SETX: variants seen among roughly 807,000 people sequenced by gnomAD.
SETX encodes helicase senataxin.
Under a neutral mutation model 227.2 loss-of-function variants are expected in SETX, and 90 were observed. That is an observed-to-expected ratio of 0.40 (90% CI 0.33 to 0.47). SETX has a LOEUF of 0.47. Among genes scored for constraint, SETX ranks in the 20% least tolerant of loss-of-function variants. The pLI is 0.91. For missense variants in SETX, 3,052 were observed against 3,181.5 expected (o/e 0.96, Z 0.98); for synonymous variants, 1,210 against 1,113.2 (o/e 1.09, Z -1.73).
chr9:132,333,404 A>ATATAT (rs1455820977), intron 7 of SETX, among the ~76,000 whole-genome samples: 1,273 of 61,326 alleles, frequency 0.021, 78 homozygotes, highest in East Asian at 0.061. Context: ...AAAAGAAAAA[A>ATATAT]AAAAATATAT....
In SETX at chr9:132,331,122, T is replaced by A; in HGVS notation, c.1028A>T (p.Glu343Val). 1 of 1,613,516 alleles carries A rather than the reference T, an allele frequency of 6.2e-7. No individual in the cohort carries two copies. Among genetic ancestry groups the A allele is most frequent in the Non-Finnish European group, 8.5e-7 (1 of 1,179,504 alleles). ...NSSVRTKLEP[E>V]SYLDDMVTCS... ...AGTCACCATATCATCCAAATAGGAC[T>A]CCGGTTCTAACTTGGTCCTTAAATA... Residue 343 changes from glutamate (E) to valine (V), a missense_variant, in exon 9 of 26, where the codon GAG (glutamate) becomes GTG (valine). By Grantham distance (121) the Glu-to-Val change is moderately radical. Transcript: ENST00000224140.
At chr9:132,330,641 T>A (rs1536662) in intron 9 of SETX, 142 bp from the exon 10 acceptor site, 10 of 696,188 alleles carry the variant, frequency 1.4e-5, no homozygotes, top group Admixed American at 1.2e-4. Flanking sequence ...AATGGTATAA[T>A]TGTGGCATAT....
chr9:132,331,187 A>C lies in SETX; in HGVS notation c.1011-48T>G, dbSNP rs757091364. On this transcript the variant is annotated intron_variant, in intron 8 of 25. Coordinates refer to ENST00000224140, the MANE Select transcript of SETX (RefSeq NM_015046.7). ...AAATTACTGAAACGAAGGGGGAAAAAAAGGAAGAAACACCTCTTGTTAAGT... is the reference window on the plus strand; with the variant it reads ...AAATTACTGAAACGAAGGGGGAAAACAAGGAAGAAACACCTCTTGTTAAGT... 25 of 1,608,186 alleles carry C rather than the reference A, an allele frequency of 1.6e-5. No individual in the cohort carries two copies. The South Asian group carries it at 2.6e-4, about 17-fold the overall frequency.
intron 15 of SETX, among the ~76,000 whole-genome samples, chr9:132,291,268 G>A (rs1444700111): frequency 3.6e-5 from 5 of 140,514 alleles, no homozygotes; most frequent in South Asian, 2.4e-4. Flanking sequence ...CCGGGTTCAC[G>A]CCATTCTCCT....
chr9:132,323,629 G>GGAT (rs947962905), intron 10 of SETX, among the ~76,000 whole-genome samples: 2 of 152,140 alleles, frequency 1.3e-5, no homozygotes, highest in Non-Finnish European at 2.9e-5. Flanking sequence ...AGGCCAGGCG[G>GGAT]GATGGCTCAC....
At position 132,283,175 on chromosome 9, in the gene SETX, C is replaced by T. The variant is rs1276455483; in HGVS notation, c.6546+89G>A. 8 of 1,475,206 alleles carry T rather than the reference C, an allele frequency of 5.4e-6. 1 individual carries two copies. In the Admixed American group the frequency reaches 9.0e-5, roughly 17 times the overall value. The allele number at this position is 1,475,206 out of a possible 1,614,324, so 91.4% of individuals were successfully genotyped here. A position where few individuals can be genotyped will look rare whatever the true frequency, so the allele number is the denominator to read the frequency against. On this transcript the variant is annotated intron_variant, in intron 19 of 25. Transcript: ENST00000224140. ...AAATCAGATGCAAAAAAAAAAAACA[C>T]ATTTCCTCAACATTTCAGCAGCCAC...
intron 23 of SETX, among the ~76,000 whole-genome samples, chr9:132,272,215 G>A (rs1328493049): frequency 1.3e-5 from 2 of 152,098 alleles, no homozygotes; most frequent in Admixed American, 1.3e-4. Context: ...TGTCCAGGCT[G>A]GAGTGCACCA....
rs760085180 is a variant in SETX, at chr9:132,329,206, G to C, written c.2392C>G (p.Gln798Glu). 1.2e-6 allele frequency: 2 copies of C among 1,613,664 alleles called. No individual in the cohort carries two copies. Among genetic ancestry groups the C allele is most frequent in the South Asian group, 2.2e-5 (2 of 91,064 alleles). Residue 798 changes from glutamine (Q) to glutamate (E), a missense_variant, in exon 10 of 26, where the codon CAA becomes GAA. This residue lies in a region of SETX where 1,483 missense variants were observed against 1,312.0 expected (regional missense o/e 1.13). Transcript: ENST00000224140. ...TCGACCAAAGTACTCTTCCTGTGTTGCTTCTTTATTACATGTGATAACTTT... is the reference window on the plus strand; with the variant it reads ...TCGACCAAAGTACTCTTCCTGTGTTCCTTCTTTATTACATGTGATAACTTT... ...CAKLSHVIKK[Q>E]HRKSTLVDNT...
rs1451963911 is a variant in SETX, at chr9:132,264,682, G to C, written c.7591C>G (p.Pro2531Ala). The C allele has an allele frequency of 6.2e-7, 1 of 1,614,102 alleles. No individual in the cohort carries two copies. The highest frequency in any genetic ancestry group is 1.3e-5 in the African/African-American group (1 of 74,934). Reference protein sequence around the residue: ...TVTSKDPERPPVHDQLQDPRL... With the variant: ...TVTSKDPERPAVHDQLQDPRL... ...GGGTCCTGAAGTTGGTCATGAACAGGAGGTCTTTCAGGGTCCTTTGAAGTA... is the reference window on the plus strand; with the variant it reads ...GGGTCCTGAAGTTGGTCATGAACAGCAGGTCTTTCAGGGTCCTTTGAAGTA... Residue 2531 changes from proline (P) to alanine (A), a missense_variant, in exon 26 of 26, where the codon CCT becomes GCT. Physicochemically the swap from Pro to Ala is conservative, Grantham distance 27. This residue lies in a region of SETX where 294 missense variants were observed against 278.8 expected (regional missense o/e 1.05). Transcript: ENST00000224140.
rs546736533 is a variant in SETX at position 132,265,170 on chromosome 9, C to G, written c.7288-185G>C. On this transcript the variant is annotated intron_variant, in intron 25 of 25. Coordinates refer to ENST00000224140, the MANE Select transcript of SETX (RefSeq NM_015046.7). ...AATTCAAATAAAAAATGATAAAGTCCCATTCCTAAAAATAAGACCTGGTCA... is the reference window on the plus strand; with the variant it reads ...AATTCAAATAAAAAATGATAAAGTCGCATTCCTAAAAATAAGACCTGGTCA... Among the ~76,000 whole-genome samples the G allele has an allele frequency of 5.5e-5, 8 of 145,104 alleles. No homozygotes were observed. The South Asian group carries it at 1.8e-3, about 33-fold the overall frequency.
Position 132,300,690 on chromosome 9 carries a change from T to A in SETX, c.5488A>T (p.Ile1830Leu). 1 of 1,613,732 alleles carries A rather than the reference T, an allele frequency of 6.2e-7. No individual in the cohort carries two copies. Among genetic ancestry groups the A allele is most frequent in the Non-Finnish European group, 8.5e-7 (1 of 1,179,900 alleles). ...GAATGATATTCGTGGAGATCTTGTA[T>A]GTCATTTCTCTCTGTATCTTTCTTC... Reference protein sequence around the residue: ...EEKKDTERNDIQDLHEYHSGY... With the variant: ...EEKKDTERNDLQDLHEYHSGY... Residue 1830 changes from isoleucine (I) to leucine (L), a missense_variant, in exon 12 of 26, where the codon ATA (isoleucine) becomes TTA (leucine). Ile to Leu is a conservative substitution (Grantham distance 5). Around this residue, in one of 10 missense-constraint regions of SETX, gnomAD observed 239 missense variants for 272.1 expected, o/e 0.88. Coordinates refer to ENST00000224140, the MANE Select transcript of SETX (RefSeq NM_015046.7).
Position 132,275,261 on chromosome 9 carries a change from T to C in SETX, c.7095A>G (p.Arg2365=), listed in dbSNP as rs1248714294. 1.2e-6 allele frequency: 2 copies of C among 1,613,904 alleles called. No individual in the cohort carries two copies. Among genetic ancestry groups the C allele is most frequent in the Non-Finnish European group, 1.7e-6 (2 of 1,179,926 alleles). ...IQKDLDKEFD[R]KGPAEVDTVD... ...TATTTATAAAAATGCCTCACCCTTT[T>C]CTATCGAACTCTTTGTCCAAATCCT... Residue 2365 remains arginine (R), a synonymous_variant, in exon 23 of 26, where the codon AGA becomes AGG. Transcript: ENST00000224140.
At chr9:132,267,359 C>G (rs1842696649) in intron 25 of SETX, among the ~76,000 whole-genome samples, 2 of 152,204 alleles carry the variant, frequency 1.3e-5, no homozygotes, top group Admixed American at 6.5e-5. Context: ...ATATGTGAAG[C>G]AGATGGCCTT....
chr9:132,351,631 G>T (rs1848608716), intron 2 of SETX, among the ~76,000 whole-genome samples: 1 of 152,184 alleles, frequency 6.6e-6, no homozygotes, highest in South Asian at 2.1e-4. Context: ...TCTTCAAAAG[G>T]CTGTGTGTGT....
intron 7 of SETX, among the ~76,000 whole-genome samples, chr9:132,333,416 T>TATAC (rs779955041): frequency 4.5e-5 from 4 of 88,076 alleles, no homozygotes; most frequent in East Asian, 7.0e-4. Context: ...AAAATATATA[T>TATAC]ACACACACAC....
At position 132,326,519 on chromosome 9, in the gene SETX, T is replaced by G; in HGVS notation, c.5079A>C (p.Ser1693=). 1 of 1,614,212 alleles carries G rather than the reference T, an allele frequency of 6.2e-7. No individual in the cohort carries two copies. Among genetic ancestry groups the G allele is most frequent in the Non-Finnish European group, 8.5e-7 (1 of 1,180,036 alleles). Residue 1693 remains serine (S), a synonymous_variant, in exon 10 of 26, where the codon TCA becomes TCC. Coordinates refer to ENST00000224140, the MANE Select transcript of SETX (RefSeq NM_015046.7). The part of the protein sequence containing the change: ...PSSSPVNILL[S]SQSVSDTFVK... ...CGAAGGTGTCAGAGACAGACTGTGA[T>G]GACAAAAGAATGTTTACTGGAGAGG...
At chr9:132,338,087 AC>A (rs1847743632) in intron 5 of SETX, among the ~76,000 whole-genome samples, 1 of 114,596 alleles carries the variant, frequency 8.7e-6, no homozygotes, top group Admixed American at 1.2e-4. Context: ...AGTGAGGAAC[AC>A]TCTTTTTTTT....
Position 132,311,803 on chromosome 9 carries a change from T to C in SETX, c.5328A>G (p.Gln1776=), listed in dbSNP as rs1589702061. The part of the protein sequence containing the change: ...SPNRENFYQL[Q]VRKFPADYIK... ...TATAATCGGCAGGAAATTTTCGTAC[T>C]TGCAACTGATAGAAATTCTCTCTAT... Residue 1776 remains glutamine, a synonymous_variant, in exon 11 of 26, where the codon CAA becomes CAG. Transcript: ENST00000224140. The C allele has an allele frequency of 1.9e-6, 3 of 1,613,856 alleles. No homozygotes were observed. Among genetic ancestry groups the C allele is most frequent in the Middle Eastern group, 1.7e-4 (1 of 6,058 alleles).
rs1422883102 is a variant in SETX at position 132,264,999 on chromosome 9, G to A, written c.7288-14C>T. On this transcript the variant is annotated splice_polypyrimidine_tract_variant and intron_variant, in intron 25 of 25. Coordinates refer to ENST00000224140, the MANE Select transcript of SETX (RefSeq NM_015046.7). ...ATGCTGGTTTTCCTTGAAACAATGA[G>A]AAGGGAGAAATAATTACACCCCAAA... The A allele has an allele frequency of 1.4e-5, 22 of 1,611,666 alleles. No individual in the cohort carries two copies. The highest frequency in any genetic ancestry group is 1.7e-5 in the Non-Finnish European group (20 of 1,180,020).
Sources: allele counts gnomAD v4.1 joint callset (sites outside exome capture counted in the v4.1 genomes callset), GRCh38; gene constraint gnomAD v4.1.1; regional missense constraint gnomAD v4.1.1; transcripts MANE v1.5; gene names NCBI Gene and HGNC (gene_info 2026-07-23, HGNC 2026-07-21).